Variants in GALK2 observed in about 807,000 individuals in gnomAD.
GALK2 encodes N-acetylgalactosamine kinase.
GALK2 carries 36 observed loss-of-function variants against 52.4 expected under a neutral mutation model. The ratio of observed to expected loss-of-function variants is 0.69; its 90% CI spans 0.53 to 0.91. The LOEUF is 0.91. Among genes scored for constraint, GALK2 ranks in the 40% least tolerant of loss-of-function variants. The probability of loss-of-function intolerance (pLI) is 0.00; values close to 1 mark genes in which losing one functional copy is unlikely to be tolerated. For missense variants in GALK2, 579 were observed against 559.1 expected (o/e 1.04, Z -0.36); for synonymous variants, 176 against 199.1 (o/e 0.88, Z 0.98).
chr15:49,276,946 G>T (rs796118622), intron 5 of GALK2, among the ~76,000 whole-genome samples: 227 of 31,306 alleles, frequency 7.3e-3, no homozygotes, highest in Non-Finnish European at 8.5e-3. Flanking sequence ...TTAACCTTTT[G>T]TTTCTAGTTT....
intron 3 of GALK2, among the ~76,000 whole-genome samples, chr15:49,228,429 T>G (rs2090262170): frequency 6.6e-6 from 1 of 151,372 alleles, no homozygotes; most frequent in African/African-American, 2.4e-5. Flanking sequence ...TTTTTCCTTA[T>G]ATTTGTCTGA....
At chr15:49,208,908 A>G (rs1490197740) in intron 2 of GALK2, among the ~76,000 whole-genome samples, 1 of 152,216 alleles carries the variant, frequency 6.6e-6, no homozygotes, top group Non-Finnish European at 1.5e-5. Flanking sequence ...ATTGTATAAT[A>G]TCCCTCTTTG....
chr15:49,301,690 C>G (rs2035129338), intron 8 of GALK2, among the ~76,000 whole-genome samples: 1 of 151,994 alleles, frequency 6.6e-6, no homozygotes, highest in South Asian at 2.1e-4. Flanking sequence ...CCAAACTGCT[C>G]TGGGTTGGGG....
chr15:49,350,688 C>T (rs537420879), intron 3 of GALK2, among the ~76,000 whole-genome samples: 59 of 152,248 alleles, frequency 3.9e-4, no homozygotes, highest in African/African-American at 1.4e-3. Flanking sequence ...TAATTTTTGA[C>T]CTTGGTGGGT....
chr15:49,174,742 A>G (rs1031179143), intron 1 of GALK2, among the ~76,000 whole-genome samples: 1 of 152,100 alleles, frequency 6.6e-6, no homozygotes, highest in Non-Finnish European at 1.5e-5. Context: ...TATTATAAAT[A>G]TAGTTTCTAG....
intron 1 of GALK2, 90 bp downstream of exon 1, chr15:49,170,465 C>G (rs1308186126): frequency 8.9e-6 from 12 of 1,351,742 alleles, no homozygotes; most frequent in Non-Finnish European, 1.2e-5. Context: ...CCTTGGGGCG[C>G]TGCTTTTGGT....
At chr15:49,182,579 G>A (rs949032117) in intron 1 of GALK2, among the ~76,000 whole-genome samples, 2 of 152,146 alleles carry the variant, frequency 1.3e-5, no homozygotes, top group African/African-American at 2.4e-5. Flanking sequence ...GTTCTCGGTA[G>A]TGGTTGTACT....
chr15:49,319,283 C>T (rs1278396329), intron 8 of GALK2, among the ~76,000 whole-genome samples: 2 of 152,032 alleles, frequency 1.3e-5, no homozygotes, highest in African/African-American at 4.8e-5. Context: ...AAGTGTTTGG[C>T]ATGTAGGGTG....
chr15:49,366,787 TA>T, intron 3 of GALK2: 1 of 594,596 alleles, frequency 1.7e-6, no homozygotes, highest in South Asian at 2.1e-5. Context: ...GCGGCCGGGC[TA>T]GGCTGGGATC....
chr15:49,188,260 G>C (rs948278152), intron 1 of GALK2, among the ~76,000 whole-genome samples: 4 of 152,156 alleles, frequency 2.6e-5, no homozygotes, highest in African/African-American at 9.7e-5. Flanking sequence ...AACCTGTTGT[G>C]CTTTAGCCCA....
intron 3 of GALK2, chr15:49,366,462 G>A: frequency 2.0e-6 from 2 of 1,002,766 alleles, no homozygotes; most frequent in South Asian, 2.5e-5. Flanking sequence ...ACATCAGAAA[G>A]GTTGCATAGT....
chr15:49,249,252 G>C (rs536930256), intron 5 of GALK2, among the ~76,000 whole-genome samples: 1 of 152,256 alleles, frequency 6.6e-6, no homozygotes, highest in Admixed American at 6.5e-5. Context: ...CAGAGGTTAT[G>C]GTAGCCATCT....
chr15:49,346,523 C>G (rs2041528637), intron 3 of GALK2, among the ~76,000 whole-genome samples: 1 of 152,036 alleles, frequency 6.6e-6, no homozygotes, highest in South Asian at 2.1e-4. Context: ...GCAGCTTTGC[C>G]AATAAATCTT....
chr15:49,337,523 T>TTTTA (rs1300590886), intron 3 of GALK2, among the ~76,000 whole-genome samples: 1 of 145,994 alleles, frequency 6.8e-6, no homozygotes, highest in African/African-American at 2.5e-5. Flanking sequence ...TTTTTTTTTT[T>TTTTA]TTTTTTTTTT....
chr15:49,358,484 A>G (rs2043580915), intron 3 of GALK2, among the ~76,000 whole-genome samples: 1 of 144,742 alleles, frequency 6.9e-6, no homozygotes, highest in African/African-American at 2.6e-5. Context: ...ACTCCCATTC[A>G]CAATTGCTTC....
chr15:49,355,374 C>T (rs185099777), intron 3 of GALK2, among the ~76,000 whole-genome samples: 1 of 152,154 alleles, frequency 6.6e-6, no homozygotes, highest in Admixed American at 6.5e-5. Context: ...ACTAGAATAA[C>T]CAATACAGAG....
chr15:49,228,682 T>TATATATATATATATATATATATATATAC (rs1555409030), intron 3 of GALK2, among the ~76,000 whole-genome samples: 1 of 14,558 alleles, frequency 6.9e-5, no homozygotes, highest in African/African-American at 2.9e-4. Context: ...TATATATATA[T>TATATATATATATATATATATATATATAC]ATATATTTTT....
At chr15:49,349,931 G>A (rs2042013330) in intron 3 of GALK2, among the ~76,000 whole-genome samples, 1 of 150,428 alleles carries the variant, frequency 6.6e-6, no homozygotes. Context: ...AAAACAAAAT[G>A]AGAGGGAGAA....
chr15:49,171,062 T>C (rs1049277151), intron 1 of GALK2, among the ~76,000 whole-genome samples: 4 of 151,290 alleles, frequency 2.6e-5, no homozygotes, highest in African/African-American at 9.8e-5. Flanking sequence ...TTCCTTCCTT[T>C]CTTTTTTCTT....
Sources: gnomAD v4.1 joint callset for allele counts (sites outside exome capture counted in the v4.1 genomes callset) on GRCh38, gnomAD v4.1.1 for gene constraint, MANE v1.5 for transcripts, NCBI Gene and HGNC (gene_info 2026-07-23, HGNC 2026-07-21) for gene names.